The following STK39 variants were observed in gnomAD, a reference collection of about 807,000 sequenced individuals.
STK39 encodes the protein STE20/SPS1-related proline-alanine-rich protein kinase.
In STK39, 20 loss-of-function variants were observed where a neutral mutation model predicts 77.8. That is an observed-to-expected ratio of 0.26 (90% confidence interval 0.18 to 0.37). The LOEUF is 0.37. Ranked by LOEUF, STK39 falls within the 10% of genes least tolerant of loss-of-function variation. The pLI, the probability that STK39 is intolerant of heterozygous loss-of-function variation, is 1.00. For synonymous variants in STK39, 246 were observed against 234.1 expected, an observed-to-expected ratio of 1.05 and a Z score of -0.47; for missense variants, 479 against 656.5, an observed-to-expected ratio of 0.73 and a Z score of 2.95.
At chr2:168,235,502 C>T (rs1690578776) in intron 1 of STK39, among the ~76,000 whole-genome samples, 1 of 151,252 alleles carries the variant, frequency 6.6e-6, no homozygotes, top group East Asian at 1.9e-4. Flanking sequence ...GTACAATGTG[C>T]AGGTTACATA....
chr2:168,221,865 G>C (rs528621579), intron 1 of STK39, among the ~76,000 whole-genome samples: 82 of 152,128 alleles, frequency 5.4e-4, no homozygotes, highest in African/African-American at 1.8e-3. Flanking sequence ...AGAAAAAGCA[G>C]GGAGATTTAA....
At chr2:167,997,805 T>C (rs537538750) in intron 16 of STK39, among the ~76,000 whole-genome samples, 1 of 152,316 alleles carries the variant, frequency 6.6e-6, no homozygotes, top group South Asian at 2.1e-4. Context: ...CCAACCAATC[T>C]GAAAACAGTG....
intron 2 of STK39, among the ~76,000 whole-genome samples, chr2:168,178,913 A>C (rs1368170578): frequency 6.6e-6 from 1 of 152,162 alleles, no homozygotes; most frequent in Non-Finnish European, 1.5e-5. Context: ...CTGTGTGTGT[A>C]AATCCCCCTT....
intron 1 of STK39, among the ~76,000 whole-genome samples, chr2:168,214,591 C>T (rs1689979402): frequency 6.6e-6 from 1 of 152,096 alleles, no homozygotes; most frequent in African/African-American, 2.4e-5. Flanking sequence ...CTAAATGCCA[C>T]TGAATTGTTA....
intron 10 of STK39, among the ~76,000 whole-genome samples, chr2:168,119,973 G>C (rs561852351): frequency 1.3e-5 from 2 of 152,104 alleles, no homozygotes; most frequent in African/African-American, 4.8e-5. Context: ...GTTAAGGCTC[G>C]ACCTCCTTAG....
intron 5 of STK39, among the ~76,000 whole-genome samples, chr2:168,154,982 T>C (rs567000576): frequency 4.2e-4 from 63 of 148,640 alleles, no homozygotes; most frequent in East Asian, 1.6e-3. Flanking sequence ...CAGACCTCCA[T>C]AGTATTTGGT....
At chr2:167,986,383 T>G (rs1683558125) in intron 16 of STK39, among the ~76,000 whole-genome samples, 3 of 152,276 alleles carry the variant, frequency 2.0e-5, no homozygotes, top group South Asian at 2.1e-4. Context: ...TTTGCTTTGG[T>G]CCTTGCAATG....
At chr2:168,182,883 C>T (rs562103569) in intron 1 of STK39, among the ~76,000 whole-genome samples, 1 of 152,266 alleles carries the variant, frequency 6.6e-6, no homozygotes, top group East Asian at 1.9e-4. Context: ...ATTCTCATCA[C>T]ATAAATCCTC....
intron 10 of STK39, among the ~76,000 whole-genome samples, chr2:168,109,868 G>A (rs965515361): frequency 9.9e-5 from 15 of 152,204 alleles, no homozygotes; most frequent in African/African-American, 3.6e-4. Flanking sequence ...CCTCAGGGAA[G>A]TACCTGTTTT....
intron 10 of STK39, among the ~76,000 whole-genome samples, chr2:168,081,374 C>T (rs1378053323): frequency 2.0e-5 from 3 of 152,140 alleles, no homozygotes; most frequent in Non-Finnish European, 4.4e-5. Flanking sequence ...ATTTGACTGC[C>T]TCACTGGATT....
At chr2:168,002,552 C>T (rs1684027568) in intron 16 of STK39, among the ~76,000 whole-genome samples, 1 of 152,170 alleles carries the variant, frequency 6.6e-6, no homozygotes, top group Admixed American at 6.5e-5. Flanking sequence ...GACATCACAG[C>T]TTAAGCTTCT....
At chr2:168,090,528 T>A (rs912429142) in intron 10 of STK39, among the ~76,000 whole-genome samples, 1 of 152,210 alleles carries the variant, frequency 6.6e-6, no homozygotes, top group Non-Finnish European at 1.5e-5. Flanking sequence ...ATATCCAACA[T>A]AACTGAAACT....
intron 10 of STK39, among the ~76,000 whole-genome samples, chr2:168,094,456 A>G (rs536357293): frequency 6.6e-6 from 1 of 151,558 alleles, no homozygotes; most frequent in East Asian, 1.9e-4. Flanking sequence ...GCCCTTTACA[A>G]CCAAACTTTG....
At chr2:167,985,204 A>G (rs1473389925) in intron 16 of STK39, among the ~76,000 whole-genome samples, 1 of 152,218 alleles carries the variant, frequency 6.6e-6, no homozygotes, top group Non-Finnish European at 1.5e-5. Flanking sequence ...TTATCAGGGA[A>G]TTCATTTTTC....
intron 14 of STK39, among the ~76,000 whole-genome samples, chr2:168,053,810 T>C (rs1190886287): frequency 6.6e-6 from 1 of 152,190 alleles, no homozygotes; most frequent in Non-Finnish European, 1.5e-5. Context: ...GTATACTATC[T>C]CCCTATACCA....
intron 2 of STK39, among the ~76,000 whole-genome samples, chr2:168,181,516 T>TA (rs60447553): frequency 8.6e-5 from 13 of 150,900 alleles, no homozygotes; most frequent in African/African-American, 1.2e-4. Context: ...ACAGAGCATT[T>TA]AAAAAAAAAA....
At chr2:167,996,510 A>G (rs1285569789) in intron 16 of STK39, among the ~76,000 whole-genome samples, 1 of 152,242 alleles carries the variant, frequency 6.6e-6, no homozygotes, top group African/African-American at 2.4e-5. Flanking sequence ...CATCTCTCAT[A>G]GCTTAGCGTC....
chr2:168,075,291 G>C (rs1397227824), intron 10 of STK39, 60 bp from the exon 11 acceptor site: 32 of 1,604,654 alleles, frequency 2.0e-5, no homozygotes, highest in Non-Finnish European at 2.7e-5. Context: ...TTTCACTGGT[G>C]CTGCAACTTG....
chr2:168,103,285 TA>T (rs1686883736), intron 10 of STK39, among the ~76,000 whole-genome samples: 1 of 152,230 alleles, frequency 6.6e-6, no homozygotes, highest in South Asian at 2.1e-4. Flanking sequence ...ATTTATCAAA[TA>T]AATTTTACCC....
Sources: allele counts gnomAD v4.1 joint callset (sites outside exome capture counted in the v4.1 genomes callset), GRCh38; gene constraint gnomAD v4.1.1; transcripts MANE v1.5; gene names NCBI Gene and HGNC (gene_info 2026-07-23, HGNC 2026-07-21).